PRELID2: variants seen among roughly 807,000 people sequenced by gnomAD.
PRELID2 encodes the protein PRELI domain-containing protein 2.
PRELID2 carries 25 observed loss-of-function variants against 28.4 expected under a neutral mutation model. The ratio of observed to expected loss-of-function variants is 0.88; its 90% CI spans 0.64 to 1.23. The LOEUF (loss-of-function observed/expected upper bound fraction) is 1.23, where lower values mean the gene tolerates loss of function less well. Ranked by LOEUF, PRELID2 falls within the 50% of genes most tolerant of loss-of-function variation. The probability of loss-of-function intolerance (pLI) is 0.00; values close to 1 mark genes in which losing one functional copy is unlikely to be tolerated. For synonymous variants in PRELID2, 76 were observed against 71.6 expected (o/e 1.06, Z -0.31); for missense variants, 201 against 214.4 (o/e 0.94, Z 0.39).
chr5:145,519,881 C>A (rs539937689), intron 1 of PRELID2, among the ~76,000 whole-genome samples: 1 of 152,166 alleles, frequency 6.6e-6, no homozygotes, highest in Admixed American at 6.5e-5. Context: ...TCTAAAATTA[C>A]AATTGAAACA....
rs1183902284 is a variant in PRELID2, at chr5:145,835,271, C to T, written c.-20G>A. 1.3e-6 allele frequency: 2 copies of T among 1,532,054 alleles called. No individual in the cohort carries two copies. Among genetic ancestry groups the T allele is most frequent in the South Asian group, 2.4e-5 (2 of 83,388 alleles). 94.9% of individuals were successfully genotyped at this position (1,532,054 alleles called of 1,614,324 possible). A position where few individuals can be genotyped will look rare whatever the true frequency, so the allele number is the denominator to read the frequency against. ...CCCCATCCCCGCGCGCCGCGGGCCC[C>T]GCGCACCGGCCACGCCTCCGCGAGC... On this transcript the variant is annotated 5_prime_UTR_variant, in exon 1 of 7. Coordinates refer to ENST00000683046, the MANE Select transcript of PRELID2 (RefSeq NM_205846.3).
At chr5:145,619,281 C>T (rs956338568) in intron 1 of PRELID2, among the ~76,000 whole-genome samples, 18 of 152,224 alleles carry the variant, frequency 1.2e-4, no homozygotes, top group Admixed American at 1.2e-3. Flanking sequence ...CTCCCTGTGG[C>T]ATATTCCTCC....
At chr5:145,568,112 A>G (rs1315388821) in intron 1 of PRELID2, among the ~76,000 whole-genome samples, 2 of 152,188 alleles carry the variant, frequency 1.3e-5, no homozygotes, top group African/African-American at 4.8e-5. Context: ...CCTCCCAAAG[A>G]CCAAAAAGAA....
chr5:145,360,215 G>C, the PRELID2 span, among the ~76,000 whole-genome samples: 179 of 152,258 alleles, frequency 1.2e-3, no homozygotes, highest in Non-Finnish European at 1.8e-3. Context: ...CACCCCCAAG[G>C]GTACTTTGGA....
chr5:145,266,251 A>T, the PRELID2 span, among the ~76,000 whole-genome samples: 2 of 152,008 alleles, frequency 1.3e-5, no homozygotes, highest in Non-Finnish European at 2.9e-5. Context: ...AGAAATGAGG[A>T]GGGGGATAAT....
intron 1 of PRELID2, among the ~76,000 whole-genome samples, chr5:145,504,352 C>A (rs1752387634): frequency 6.6e-6 from 1 of 152,046 alleles, no homozygotes; most frequent in African/African-American, 2.4e-5. Flanking sequence ...AGTAACTGGC[C>A]CATAGTAAAT....
intron 1 of PRELID2, among the ~76,000 whole-genome samples, chr5:145,497,762 G>A (rs1198747481): frequency 1.3e-5 from 2 of 152,200 alleles, no homozygotes; most frequent in African/African-American, 4.8e-5. Context: ...TTTACCTGCA[G>A]AGACTGTGCA....
At chr5:145,673,145 G>A (rs377638759) in intron 1 of PRELID2, among the ~76,000 whole-genome samples, 21 of 152,116 alleles carry the variant, frequency 1.4e-4, no homozygotes, top group Non-Finnish European at 2.4e-4. Flanking sequence ...TAGAAAAGAC[G>A]TATATTCAAA....
chr5:145,735,203 C>T (rs1354247756), intron 1 of PRELID2, among the ~76,000 whole-genome samples: 2 of 150,376 alleles, frequency 1.3e-5, no homozygotes, highest in African/African-American at 2.5e-5. Context: ...TGAGATTGCA[C>T]CATTGCACTC....
At chr5:145,657,791 C>T (rs1196982459) in intron 1 of PRELID2, among the ~76,000 whole-genome samples, 1 of 152,166 alleles carries the variant, frequency 6.6e-6, no homozygotes, top group African/African-American at 2.4e-5. Context: ...GGACAGGCAT[C>T]CAAGGTTACT....
the PRELID2 span, among the ~76,000 whole-genome samples, chr5:145,276,297 T>C: frequency 6.6e-6 from 1 of 152,162 alleles, no homozygotes; most frequent in African/African-American, 2.4e-5. Context: ...CAACTACACC[T>C]TTCCACTAAA....
At chr5:145,820,124 T>C in intron 2 of PRELID2, 106 bp from the exon 3 acceptor site, 1 of 286,988 alleles carries the variant, frequency 3.5e-6, no homozygotes, top group Non-Finnish European at 5.3e-6. Context: ...TTGTTTTTTG[T>C]TTTTTTTTTT....
the PRELID2 span, among the ~76,000 whole-genome samples, chr5:145,322,670 G>A: frequency 4.6e-5 from 7 of 152,098 alleles, no homozygotes; most frequent in African/African-American, 1.4e-4. Context: ...TTGGCCCTGG[G>A]AATATAATAG....
the PRELID2 span, among the ~76,000 whole-genome samples, chr5:145,239,227 C>G: frequency 6.6e-6 from 1 of 152,080 alleles, no homozygotes; most frequent in African/African-American, 2.4e-5. Flanking sequence ...TAGCTATTCT[C>G]TAGCAATTCC....
chr5:145,744,853 G>A (rs1041366876), intron 1 of PRELID2, among the ~76,000 whole-genome samples: 4 of 152,028 alleles, frequency 2.6e-5, no homozygotes, highest in Admixed American at 1.3e-4. Flanking sequence ...AATTGGACAG[G>A]GGATGAGATG....
chr5:145,527,743 G>A (rs577826024), intron 1 of PRELID2, among the ~76,000 whole-genome samples: 13 of 152,168 alleles, frequency 8.5e-5, no homozygotes, highest in Admixed American at 1.3e-4. Flanking sequence ...GTTTAACTTC[G>A]CTATGCCTCT....
rs1025918057 is a variant in PRELID2 at position 145,736,882 on chromosome 5, A to G, written n.70+28049T>C. Among the ~76,000 whole-genome samples, 9 of 152,178 alleles carry G rather than the reference A, an allele frequency of 5.9e-5. No homozygotes were observed. The East Asian group carries it at 1.5e-3, about 26-fold the overall frequency. Reference sequence around the variant, plus strand: ...CAAATAAGTGCAAGATAAAACCATAATTAGATGTCTTTATTCATCTAACAG... The same window carrying G: ...CAAATAAGTGCAAGATAAAACCATAGTTAGATGTCTTTATTCATCTAACAG... On this transcript the variant is annotated intron_variant and non_coding_transcript_variant, in intron 1 of 2. Transcript: ENST00000510259.
intron 5 of PRELID2, among the ~76,000 whole-genome samples, chr5:145,778,844 G>A (rs573240352): frequency 2.0e-5 from 3 of 152,296 alleles, no homozygotes; most frequent in African/African-American, 7.2e-5. Context: ...TAAAACTCAG[G>A]CAAAGGTGTC....
intron 4 of PRELID2, among the ~76,000 whole-genome samples, chr5:145,804,471 T>C (rs1432520487): frequency 1.3e-5 from 2 of 152,050 alleles, no homozygotes; most frequent in African/African-American, 2.4e-5. Context: ...GATCACGCCA[T>C]TGCACTCCAG....
Sources: allele counts gnomAD v4.1 joint callset (sites outside exome capture counted in the v4.1 genomes callset), GRCh38; gene constraint gnomAD v4.1.1; transcripts MANE v1.5; gene names NCBI Gene and HGNC (gene_info 2026-07-23, HGNC 2026-07-21).